FGD4: variants seen among roughly 807,000 people sequenced by gnomAD.
FGD4 encodes FYVE, RhoGEF and PH domain-containing protein 4.
A neutral mutation model predicts 102.0 loss-of-function variants in FGD4; 42 were observed. The ratio of observed to expected loss-of-function variants is 0.41; its 90% CI spans 0.32 to 0.53. The LOEUF is 0.53. FGD4 is among the 20% of genes least tolerant of loss of function. The pLI is 0.21. For synonymous variants in FGD4, 380 were observed against 375.7 expected (o/e 1.01, Z -0.13); for missense variants, 902 against 1,078.2 (o/e 0.84, Z 2.29).
intron 2 of FGD4, among the ~76,000 whole-genome samples, chr12:32,564,991 A>G (rs994749188): frequency 6.6e-6 from 1 of 152,248 alleles, no homozygotes; most frequent in Non-Finnish European, 1.5e-5. Flanking sequence ...TTTAATGTGT[A>G]GTTTCTTCCT....
chr12:32,477,923 G>T (rs144403566), intron 1 of FGD4, among the ~76,000 whole-genome samples: 3 of 152,278 alleles, frequency 2.0e-5, no homozygotes, highest in South Asian at 4.1e-4. Context: ...CTCTGCCTTT[G>T]CTCATTCACT....
Position 32,536,738 on chromosome 12 carries a change from T to G in FGD4, c.167-27399T>G, listed in dbSNP as rs150580773. On this transcript the variant is annotated intron_variant, in intron 1 of 16. Coordinates refer to ENST00000534526, the MANE Select transcript of FGD4 (RefSeq NM_001370298.3). ...TAGTGTTAATCGTAGAATTTGGTCA[T>G]TCTACATGGTGGTTATTATAATAAA... Among the ~76,000 whole-genome samples the G allele has an allele frequency of 2.3e-3, 346 of 152,304 alleles. 1 individual carries two copies. The highest frequency in any genetic ancestry group is 8.1e-3 in the African/African-American group (337 of 41,568).
At chr12:32,570,656 G>C (rs1054792517) in intron 2 of FGD4, among the ~76,000 whole-genome samples, 1 of 152,058 alleles carries the variant, frequency 6.6e-6, no homozygotes, top group Non-Finnish European at 1.5e-5. Flanking sequence ...GTTCAGGCTG[G>C]TCTCGAACTC....
chr12:32,430,137 G>A (rs903542117), intron 1 of FGD4, among the ~76,000 whole-genome samples: 2 of 152,068 alleles, frequency 1.3e-5, no homozygotes, highest in African/African-American at 2.4e-5. Flanking sequence ...GTGAAATCCC[G>A]TTTCTACTAA....
intron 3 of FGD4, among the ~76,000 whole-genome samples, chr12:32,578,608 T>C (rs931714744): frequency 3.3e-5 from 5 of 152,158 alleles, no homozygotes; most frequent in Non-Finnish European, 7.4e-5. Flanking sequence ...ATTGGTTGGA[T>C]TGTCTGAGCT....
intron 10 of FGD4, 75 bp from the exon 11 acceptor site, chr12:32,619,623 C>T (rs1332312578): frequency 6.5e-7 from 1 of 1,535,746 alleles, no homozygotes; most frequent in East Asian, 2.3e-5. Context: ...CAGAGTGAGA[C>T]TCTGTCTCAA....
rs1189016628 is a variant in FGD4 at position 32,641,654 on chromosome 12, C to T, written c.*1121C>T. 2 of 152,120 alleles carry T rather than the reference C, an allele frequency of 1.3e-5. No individual in the cohort carries two copies. The highest frequency in any genetic ancestry group is 2.9e-5 in the Non-Finnish European group (2 of 68,010). The allele number at this position is 152,120 out of a possible 1,614,324, so 9.4% of individuals were successfully genotyped here. A position where few individuals can be genotyped will look rare whatever the true frequency, so the allele number is the denominator to read the frequency against. On this transcript the variant is annotated 3_prime_UTR_variant, in exon 17 of 17. Transcript: ENST00000534526. The stretch of plus-strand genomic sequence containing the variant: ...TTACAGAACTAGGATATGTGGAAAC[C>T]ACATTTATCGTAATGTTTTTCTTTT...
rs748420696 is a variant in FGD4 at position 32,611,190 on chromosome 12, C to T, written c.1656C>T (p.Asp552=). Reference sequence around the variant, plus strand: ...ATGAAATGTTGGGAGAAGAAGAAGACATTGTAAACCCTTCAAATGAACTAA... The same window carrying T: ...ATGAAATGTTGGGAGAAGAAGAAGATATTGTAAACCCTTCAAATGAACTAA... ...EIYEMLGEEE[D]IVNPSNELIK... is the part of the protein sequence containing the mutation. The change falls in exon 10 of 17, where the codon GAC becomes GAT. Residue 552 remains aspartate (D), a synonymous_variant. Coordinates refer to ENST00000534526, the MANE Select transcript of FGD4 (RefSeq NM_001370298.3). 1 of 1,614,160 alleles carries T rather than the reference C, an allele frequency of 6.2e-7. No individual in the cohort carries two copies.
At chr12:32,472,675 G>A (rs761604910) in intron 1 of FGD4, among the ~76,000 whole-genome samples, 15 of 152,244 alleles carry the variant, frequency 9.9e-5, no homozygotes, top group Non-Finnish European at 1.8e-4. Context: ...TGAGGAATGC[G>A]AGTGCGGGGC....
intron 4 of FGD4, 89 bp downstream of exon 4, chr12:32,582,556 G>A (rs12318679): frequency 1.3e-6 from 2 of 1,531,948 alleles, no homozygotes; most frequent in Admixed American, 1.8e-5. Context: ...CCCCTGAAAT[G>A]TATGAATCAG....
chr12:32,454,071 A>T (rs550223985), intron 1 of FGD4, among the ~76,000 whole-genome samples: 51 of 142,666 alleles, frequency 3.6e-4, no homozygotes, highest in African/African-American at 1.2e-3. Flanking sequence ...TGAAATGATT[A>T]AAAAAAAAAA....
intron 12 of FGD4, 184 bp downstream of exon 12, chr12:32,624,636 A>C: frequency 1.4e-6 from 1 of 694,648 alleles, no homozygotes; most frequent in Non-Finnish European, 2.6e-6. Flanking sequence ...ATGTCTGGTT[A>C]ATTTTTTTTT....
intron 14 of FGD4, among the ~76,000 whole-genome samples, chr12:32,626,842 T>G (rs1353218788): frequency 3.3e-5 from 5 of 152,050 alleles, no homozygotes; most frequent in Non-Finnish European, 7.4e-5. Flanking sequence ...TATTTGGTTT[T>G]TTTTGTTTTG....
intron 1 of FGD4, among the ~76,000 whole-genome samples, chr12:32,440,915 C>T (rs1942413937): frequency 6.6e-6 from 1 of 152,222 alleles, no homozygotes; most frequent in Admixed American, 6.5e-5. Flanking sequence ...AGAGCCTCAT[C>T]CCATAGCCAC....
rs977396208 is a variant in FGD4 at position 32,643,883 on chromosome 12, C to T, written c.*3350C>T. The T allele has an allele frequency of 6.6e-6, 1 of 151,960 alleles. No individual in the cohort carries two copies. The highest frequency in any genetic ancestry group is 2.4e-5 in the African/African-American group (1 of 41,388). 9.4% of individuals were successfully genotyped at this position (151,960 alleles called of 1,614,324 possible). ...ATTTGTTTTCTGGTTATATTCAAAG[C>T]CTTAAGTTCTTAATCTGAGCATATT... On this transcript the variant is annotated 3_prime_UTR_variant, in exon 17 of 17. Coordinates refer to ENST00000534526, the MANE Select transcript of FGD4 (RefSeq NM_001370298.3).
rs375190350 is a variant in FGD4 at position 32,605,846 on chromosome 12, C to T, written c.1405-2111C>T. ...GAAATAATGTATTCAAATTGCTTAGCGTAGTGCTTGTTGCATAGTAAGTGC... is the reference window on the plus strand; with the variant it reads ...GAAATAATGTATTCAAATTGCTTAGTGTAGTGCTTGTTGCATAGTAAGTGC... On this transcript the variant is annotated intron_variant, in intron 7 of 16. Coordinates refer to ENST00000534526, the MANE Select transcript of FGD4 (RefSeq NM_001370298.3). 7.2e-5 allele frequency among the ~76,000 whole-genome samples: 11 copies of T among 152,250 alleles called. 2 individuals are homozygous for T. The highest frequency in any genetic ancestry group is 1.3e-4 in the Admixed American group (2 of 15,304).
At chr12:32,566,006 C>A (rs1161282985) in intron 2 of FGD4, among the ~76,000 whole-genome samples, 1 of 152,154 alleles carries the variant, frequency 6.6e-6, no homozygotes, top group Non-Finnish European at 1.5e-5. Flanking sequence ...TCTGTTCAGG[C>A]TGCTGTAACA....
intron 1 of FGD4, among the ~76,000 whole-genome samples, chr12:32,463,946 C>T (rs960872561): frequency 1.3e-5 from 2 of 152,116 alleles, no homozygotes; most frequent in African/African-American, 4.8e-5. Flanking sequence ...AAAGTGATCC[C>T]ATGAAGAAAG....
intron 1 of FGD4, among the ~76,000 whole-genome samples, chr12:32,464,134 G>A (rs940631726): frequency 2.0e-5 from 3 of 152,006 alleles, no homozygotes; most frequent in Non-Finnish European, 4.4e-5. Flanking sequence ...TGTACATACT[G>A]GATTAGTCAT....
Sources: allele counts gnomAD v4.1 joint callset (sites outside exome capture counted in the v4.1 genomes callset), GRCh38; gene constraint gnomAD v4.1.1; transcripts MANE v1.5; gene names NCBI Gene and HGNC (gene_info 2026-07-23, HGNC 2026-07-21).